Variants in TJP3 observed in about 807,000 individuals in gnomAD.
The protein encoded by TJP3 is tight junction protein ZO-3.
In TJP3, 85 loss-of-function variants were observed where a neutral mutation model predicts 104.2. The observed-to-expected ratio is 0.82, with a 90% CI of 0.68 to 0.98. The LOEUF is 0.98. Ranked by LOEUF, TJP3 falls within the 50% of genes least tolerant of loss-of-function variation. The probability of loss-of-function intolerance (pLI) is 0.00; values close to 1 mark genes in which losing one functional copy is unlikely to be tolerated. For missense variants in TJP3, 1,367 were observed against 1,322.8 expected, an observed-to-expected ratio of 1.03 and a Z score of -0.52; for synonymous variants, 550 against 550.6, an observed-to-expected ratio of 1.00 and a Z score of 0.02.
chr19:3,712,213 G>A (rs1053881085), intron 1 of TJP3, among the ~76,000 whole-genome samples: 3 of 152,228 alleles, frequency 2.0e-5, no homozygotes, highest in Non-Finnish European at 4.4e-5. Flanking sequence ...CTACTTGGGA[G>A]GCTGAGGCAG....
chr19:3,719,067 C>A (rs772550952), intron 1 of TJP3, among the ~76,000 whole-genome samples: 2 of 151,870 alleles, frequency 1.3e-5, no homozygotes, highest in African/African-American at 2.4e-5. Flanking sequence ...GCCTGTAGTC[C>A]CAGCTACTCA....
chr19:3,719,424 C>A (rs1165391967), intron 1 of TJP3, among the ~76,000 whole-genome samples: 3 of 151,868 alleles, frequency 2.0e-5, no homozygotes, highest in African/African-American at 7.3e-5. Context: ...CCTTTCTGAA[C>A]CTTCATCTAT....
rs2036769140 is a variant in TJP3 at position 3,738,600 on chromosome 19, C to T, written c.1330C>T (p.Gln444Ter). 3 of 1,613,844 alleles carry T rather than the reference C, an allele frequency of 1.9e-6. No individual in the cohort carries two copies. The highest frequency in any genetic ancestry group is 1.7e-4 in the Middle Eastern group (1 of 6,060). ...GAACCTGACACGGGAGGAGGCAGTG[C>T]AGTTCCTGCTGGGGCTGCCACCAGG... ...FQNLTREEAVQFLLGLPPGEE... is the reference protein window; with the variant it reads ...FQNLTREEAV Residue 444 changes from glutamine (Q) to a stop codon, truncating the protein, a stop_gained, in exon 12 of 21, where the codon CAG (glutamine) becomes TAG (stop). Transcript: ENST00000541714. LOFTEE classifies it high-confidence loss of function.
rs745837489 is a variant in TJP3, at chr19:3,733,893, C to T, written c.858C>T (p.Ser286=). 8.1e-6 allele frequency: 13 copies of T among 1,613,894 alleles called. No individual in the cohort carries two copies. The East Asian group carries it at 2.0e-4, about 25-fold the overall frequency. ...LVNIPPAVSD[S]DSSPLEDISD... ...ACATTCCGCCTGCTGTCAGTGACAG[C>T]GACAGCTCGCCATTGGAGGGTGAGG... The change falls in exon 7 of 21, where the codon AGC becomes AGT. Residue 286 remains serine, a synonymous_variant. Coordinates refer to ENST00000541714, the MANE Select transcript of TJP3 (RefSeq NM_001267560.2).
intron 8 of TJP3, 60 bp downstream of exon 8, chr19:3,734,495 G>A (rs2036714279): frequency 2.0e-5 from 29 of 1,461,672 alleles, no homozygotes; most frequent in Non-Finnish European, 2.7e-5. Flanking sequence ...GGGAGGGAGA[G>A]GGGAACGCGG....
chr19:3,735,597 G>A lies in TJP3; in HGVS notation c.1018G>A (p.Val340Ile), dbSNP rs958778957. The change falls in exon 9 of 21, where the codon GTA (valine) becomes ATA (isoleucine). Residue 340 changes from valine to isoleucine, a missense_variant. Coordinates refer to ENST00000541714, the MANE Select transcript of TJP3 (RefSeq NM_001267560.2). ...ESPRLRRESS[V>I]DSRTISEPDE... ...TCCCCGGCTTCGGCGGGAAAGTTCA[G>A]TAGATTCCAGAACCATCTCGGAACC... is the stretch of plus-strand genomic sequence containing the variant. 8 of 1,614,100 alleles carry A rather than the reference G, an allele frequency of 5.0e-6. No individual in the cohort carries two copies. Among genetic ancestry groups the A allele is most frequent in the Non-Finnish European group, 6.8e-6 (8 of 1,180,058 alleles).
chr19:3,734,391 G>A lies in TJP3; in HGVS notation c.942G>A (p.Arg314=). 6.2e-7 allele frequency: 1 copy of A among 1,612,824 alleles called. No homozygotes were observed. ...CATCCCACATCCCACCACCACCCCG[G>A]CATGCTCAGCGGAGCCCCGAGGCCA... ...APPSHIPPPP[R]HAQRSPEASQ... The change falls in exon 8 of 21, where the codon CGG becomes CGA. Residue 314 remains arginine (R), a synonymous_variant. Coordinates refer to ENST00000541714, the MANE Select transcript of TJP3 (RefSeq NM_001267560.2).
At chr19:3,717,938 G>A (rs989506941) in intron 1 of TJP3, among the ~76,000 whole-genome samples, 10 of 138,890 alleles carry the variant, frequency 7.2e-5, no homozygotes, top group Non-Finnish European at 1.6e-4. Context: ...AAAAAAGGCC[G>A]GGCACGATGG....
In TJP3 at chr19:3,746,095, T is replaced by C. The variant is rs759735635; in HGVS notation, c.2010+14T>C. 1 of 1,597,548 alleles carries C rather than the reference T, an allele frequency of 6.3e-7. No individual in the cohort carries two copies. Among genetic ancestry groups the C allele is most frequent in the African/African-American group, 1.3e-5 (1 of 74,624 alleles). On this transcript the variant is annotated intron_variant, in intron 16 of 20. Coordinates refer to ENST00000541714, the MANE Select transcript of TJP3 (RefSeq NM_001267560.2). This position sits in a 1 kb window ranked among gnomAD's most constrained non-coding sequence, Gnocchi z 4.1. ...ATTGCAGAAAAAGTAAGCCGGGTCC[T>C]GCTACGGGTCCCATTTCATGGATGG...
chr19:3,716,363 G>A (rs1335946358), intron 1 of TJP3, among the ~76,000 whole-genome samples: 1 of 148,402 alleles, frequency 6.7e-6, no homozygotes, highest in African/African-American at 2.4e-5. Context: ...GTGAGTCACC[G>A]CGCTCGGCCT....
At chr19:3,718,367 G>C (rs1422471437) in intron 1 of TJP3, among the ~76,000 whole-genome samples, 1 of 150,352 alleles carries the variant, frequency 6.7e-6, no homozygotes, top group Non-Finnish European at 1.5e-5. Flanking sequence ...ACAAGCGTGA[G>C]CCACTGTTCC....
rs1413421802 is a variant in TJP3 at position 3,717,360 on chromosome 19, T to A, written c.-10+8799T>A. On this transcript the variant is annotated intron_variant, in intron 1 of 20. Coordinates refer to ENST00000541714, the MANE Select transcript of TJP3 (RefSeq NM_001267560.2). Reference sequence around the variant, plus strand: ...TCAAGTGATTCGGCCGCCTTGGCCATCCAAAGTGGGATTACAGGCGTGAGC... The same window carrying A: ...TCAAGTGATTCGGCCGCCTTGGCCAACCAAAGTGGGATTACAGGCGTGAGC... Among the ~76,000 whole-genome samples, 4 of 122,558 alleles carry A rather than the reference T, an allele frequency of 3.3e-5. 2 individuals are homozygous for A. In the Admixed American group the frequency reaches 3.3e-4, roughly 10 times the overall value. The allele number at this position is 122,558 out of a possible 152,430, so 80.4% of individuals were successfully genotyped here.
Position 3,748,100 on chromosome 19 carries a change from GC to G in TJP3, c.2610+20del. On this transcript the variant is annotated intron_variant, in intron 19 of 20. Coordinates refer to ENST00000541714, the MANE Select transcript of TJP3 (RefSeq NM_001267560.2). ...GGCCCAGGTGCGTCGGACATGGGGG[GC>G]AGGCCTGGGAAGGGTCTCCGGAGGG... 2 of 1,533,762 alleles carry G rather than the reference GC, an allele frequency of 1.3e-6. No individual in the cohort carries two copies. The highest frequency in any genetic ancestry group is 2.5e-5 in the South Asian group (2 of 80,880).
chr19:3,721,192 G>A (rs1266390705), intron 1 of TJP3, among the ~76,000 whole-genome samples: 1 of 152,094 alleles, frequency 6.6e-6, no homozygotes, highest in African/African-American at 2.4e-5. Flanking sequence ...GAGCCACCGC[G>A]CCCGGCCCTG....
chr19:3,730,655 G>A lies in TJP3; in HGVS notation c.562G>A (p.Val188Met), dbSNP rs149642887. 6.2e-6 allele frequency: 10 copies of A among 1,611,414 alleles called. No individual in the cohort carries two copies. The highest frequency in any genetic ancestry group is 4.0e-5 in the African/African-American group (3 of 75,058). Reference protein sequence around the residue: ...SGFKRLPRQDVQMKPVKSVLV... With the variant: ...SGFKRLPRQDMQMKPVKSVLV... ...CTTTAAGCGGCTGCCACGGCAGGACGTGCAGATGAAGCCTGTGAAGTCAGT... is the reference window on the plus strand; with the variant it reads ...CTTTAAGCGGCTGCCACGGCAGGACATGCAGATGAAGCCTGTGAAGTCAGT... The change falls in exon 5 of 21, where the codon GTG becomes ATG. Residue 188 changes from valine (V) to methionine (M), a missense_variant. Transcript: ENST00000541714. The surrounding 1 kb of genome is among the most constrained non-coding windows in gnomAD (Gnocchi z 7.3).
In TJP3 at chr19:3,731,393, G is replaced by A. The variant is rs1301744290; in HGVS notation, c.614-542G>A. Among the ~76,000 whole-genome samples the A allele has an allele frequency of 2.0e-5, 3 of 152,268 alleles. No individual in the cohort carries two copies. In the East Asian group the frequency reaches 5.8e-4, roughly 29 times the overall value. The stretch of plus-strand genomic sequence containing the variant: ...GATGCCTGTAATCCCAGCACTTTGG[G>A]AGGCCAAGGCAGGCAGATCACTTGA... On this transcript the variant is annotated intron_variant, in intron 5 of 20. Coordinates refer to ENST00000541714, the MANE Select transcript of TJP3 (RefSeq NM_001267560.2).
chr19:3,734,246 G>A, intron 7 of TJP3, 81 bp from the exon 8 acceptor site: 1 of 1,410,266 alleles, frequency 7.1e-7, no homozygotes, highest in Non-Finnish European at 9.8e-7. Flanking sequence ...TGTTTAGAGG[G>A]GTGTTGATAT....
In TJP3 at chr19:3,740,727, C is replaced by T. The variant is rs545843993; in HGVS notation, c.1807C>T (p.Arg603Cys). The part of the protein sequence containing the change: ...EDLSALTRQG[R>C]YPPYERVVLR... ...CCTCTCAGCTCTGACCCGACAGGGCCGCTACCCGCCCTACGAACGAGTGGT... is the reference window on the plus strand; with the variant it reads ...CCTCTCAGCTCTGACCCGACAGGGCTGCTACCCGCCCTACGAACGAGTGGT... Residue 603 changes from arginine (R) to cysteine (C), a missense_variant, in exon 14 of 21, where the codon CGC (arginine) becomes TGC (cysteine). By Grantham distance (180) the Arg-to-Cys change is radical. Transcript: ENST00000541714. The T allele has an allele frequency of 5.9e-5, 94 of 1,596,570 alleles. No individual in the cohort carries two copies. The highest frequency in any genetic ancestry group is 7.3e-5 in the Non-Finnish European group (86 of 1,172,460).
chr19:3,732,659 G>C (rs7251357), intron 6 of TJP3, among the ~76,000 whole-genome samples: 6 of 151,500 alleles, frequency 4.0e-5, no homozygotes, highest in Non-Finnish European at 8.8e-5. Flanking sequence ...ACAGGTGCCC[G>C]CCACCACACC....
Sources: gnomAD v4.1 joint callset for allele counts (sites outside exome capture counted in the v4.1 genomes callset) on GRCh38, gnomAD v4.1.1 for gene constraint, Gnocchi (gnomAD v3.1) non-coding constraint, MANE v1.5 for transcripts, NCBI Gene and HGNC (gene_info 2026-07-23, HGNC 2026-07-21) for gene names.